MUSK: variants seen among roughly 807,000 people sequenced by gnomAD.
MUSK encodes the protein muscle associated receptor tyrosine kinase.
Under a neutral mutation model 88.7 loss-of-function variants are expected in MUSK, and 55 were observed. The observed-to-expected ratio is 0.62, with a 90% CI of 0.50 to 0.78. MUSK has a LOEUF of 0.78. Among genes scored for constraint, MUSK ranks in the 30% least tolerant of loss-of-function variants. The pLI is 0.00. For synonymous variants in MUSK, 387 were observed against 391.9 expected (o/e 0.99, Z 0.15); for missense variants, 1,015 against 1,074.3 (o/e 0.94, Z 0.77).
chr9:110,802,445 T>C lies in MUSK; in HGVS notation c.*1457T>C, dbSNP rs1391306323. ...TTCAGACTAATTGGTAGTTAGGGCA[T>C]TGGAGGAATGGTGTGAATTCTTGAA... On this transcript the variant is annotated 3_prime_UTR_variant, in exon 15 of 15. Coordinates refer to ENST00000374448, the MANE Select transcript of MUSK (RefSeq NM_005592.4). Among the ~76,000 whole-genome samples the C allele has an allele frequency of 6.6e-6, 1 of 152,202 alleles. No homozygotes were observed. The highest frequency in any genetic ancestry group is 1.5e-5 in the Non-Finnish European group (1 of 68,030).
rs1053474605 is a variant in MUSK at position 110,725,787 on chromosome 9, C to G, written c.629-8464C>G. Among the ~76,000 whole-genome samples the G allele has an allele frequency of 2.0e-4, 30 of 151,814 alleles. 1 individual carries two copies. Among genetic ancestry groups the G allele is most frequent in the Admixed American group, 1.4e-3 (21 of 15,222 alleles). On this transcript the variant is annotated intron_variant, in intron 5 of 14. Coordinates refer to ENST00000374448, the MANE Select transcript of MUSK (RefSeq NM_005592.4). ...GAAGATTACAAATCAATTTGGAAGA[C>G]AAGAACAATGCATTACATATAAAGC...
chr9:110,669,456 GT>G (rs2075929277), intron 1 of MUSK, among the ~76,000 whole-genome samples: 1 of 152,068 alleles, frequency 6.6e-6, no homozygotes, highest in Admixed American at 6.6e-5. Flanking sequence ...AAATATTTTA[GT>G]TGCTAAAAAT....
chr9:110,762,136 G>C, intron 7 of MUSK, 66 bp from the exon 8 acceptor site: 1 of 1,264,556 alleles, frequency 7.9e-7, no homozygotes. Context: ...AGATGAAAAT[G>C]TACTAACGTT....
At chr9:110,699,100 T>C (rs1445684854) in intron 5 of MUSK, among the ~76,000 whole-genome samples, 2 of 152,190 alleles carry the variant, frequency 1.3e-5, no homozygotes, top group Non-Finnish European at 2.9e-5. Context: ...TAGAGAAAAT[T>C]ATCACCGAAC....
rs1381363810 is a variant in MUSK, at chr9:110,784,865, C to T, written c.1435C>T (p.Pro479Ser). 1.2e-6 allele frequency: 2 copies of T among 1,613,800 alleles called. No homozygotes were observed. The highest frequency in any genetic ancestry group is 1.1e-5 in the South Asian group (1 of 91,050). Reference protein sequence around the residue: ...SKPSVDIPNLPSSSSSSFSVS... With the variant: ...SKPSVDIPNLSSSSSSSFSVS... ...GCCAAGTGTGGACATTCCAAATCTG[C>T]CTTCCTCCTCCTCTTCTTCCTTCTC... Residue 479 changes from proline to serine, a missense_variant, in exon 12 of 15, where the codon CCT becomes TCT. Coordinates refer to ENST00000374448, the MANE Select transcript of MUSK (RefSeq NM_005592.4).
intron 5 of MUSK, among the ~76,000 whole-genome samples, chr9:110,721,225 G>A (rs1390208533): frequency 6.6e-6 from 1 of 152,038 alleles, no homozygotes; most frequent in Non-Finnish European, 1.5e-5. Flanking sequence ...ACATAGTACT[G>A]GAAGTCCTAG....
chr9:110,727,891 T>C (rs1399151693), intron 5 of MUSK, among the ~76,000 whole-genome samples: 1 of 152,078 alleles, frequency 6.6e-6, no homozygotes, highest in Non-Finnish European at 1.5e-5. Flanking sequence ...AAGGTTCAAA[T>C]TTACATGAAC....
intron 9 of MUSK, among the ~76,000 whole-genome samples, chr9:110,769,967 T>A (rs1404385766): frequency 6.6e-6 from 1 of 152,058 alleles, no homozygotes; most frequent in Non-Finnish European, 1.5e-5. Context: ...AAGACTCCAT[T>A]GTATAAAAAA....
chr9:110,697,851 A>G (rs1587920936), intron 5 of MUSK, among the ~76,000 whole-genome samples: 1 of 152,190 alleles, frequency 6.6e-6, no homozygotes, highest in East Asian at 1.9e-4. Context: ...AACTTTAAAA[A>G]GATGTGATAA....
intron 5 of MUSK, among the ~76,000 whole-genome samples, chr9:110,724,347 C>G (rs1057475268): frequency 6.6e-6 from 1 of 151,970 alleles, no homozygotes; most frequent in Non-Finnish European, 1.5e-5. Flanking sequence ...ATCTTATCAT[C>G]ATCTCTCTGA....
chr9:110,708,091 CCTATCTAT>C (rs34403055), intron 5 of MUSK, among the ~76,000 whole-genome samples: 11,051 of 148,626 alleles, frequency 0.074, 451 homozygotes, highest in Non-Finnish European at 0.095. Flanking sequence ...ATAAATAATT[CCTATCTAT>C]CTATCTATCT....
At chr9:110,687,724 C>T (rs1425240689) in intron 3 of MUSK, among the ~76,000 whole-genome samples, 1 of 152,082 alleles carries the variant, frequency 6.6e-6, no homozygotes, top group African/African-American at 2.4e-5. Context: ...TCAAGCACAA[C>T]CCTGAGGCCA....
At chr9:110,779,722 C>T (rs117348421) in intron 11 of MUSK, among the ~76,000 whole-genome samples, 3 of 152,270 alleles carry the variant, frequency 2.0e-5, no homozygotes, top group Non-Finnish European at 2.9e-5. Context: ...CTTCTATACA[C>T]ATATGGGTTT....
intron 2 of MUSK, among the ~76,000 whole-genome samples, chr9:110,683,187 T>C (rs185266082): frequency 6.6e-6 from 1 of 152,210 alleles, no homozygotes; most frequent in Admixed American, 6.5e-5. Context: ...ATGAGTTCAA[T>C]TGTTTTGATG....
intron 5 of MUSK, among the ~76,000 whole-genome samples, chr9:110,722,144 A>C (rs773073463): frequency 6.6e-6 from 1 of 152,196 alleles, no homozygotes; most frequent in Non-Finnish European, 1.5e-5. Flanking sequence ...AAATTCTAGA[A>C]GATAACATCA....
In MUSK at chr9:110,784,899, C is replaced by G. The variant is rs147724994; in HGVS notation, c.1469C>G (p.Pro490Arg). The G allele has an allele frequency of 5.6e-6, 9 of 1,613,868 alleles. No individual in the cohort carries two copies. The East Asian group carries it at 2.0e-4, about 36-fold the overall frequency. Residue 490 changes from proline to arginine, a missense_variant, in exon 12 of 15, where the codon CCT becomes CGT. Pro to Arg is a moderately radical substitution (Grantham distance 103, BLOSUM62 -2). Transcript: ENST00000374448. ...TCCTCTTCTTCCTTCTCTGTCTCAC[C>G]TACATACTCCATGACTGTAATAATC... ...SSSSSSFSVS[P>R]TYSMTVIISI...
At chr9:110,724,338 T>A (rs183350568) in intron 5 of MUSK, among the ~76,000 whole-genome samples, 1 of 152,124 alleles carries the variant, frequency 6.6e-6, no homozygotes, top group East Asian at 1.9e-4. Flanking sequence ...CCACTGTAAA[T>A]CTTATCATCA....
At chr9:110,704,524 A>G (rs972804191) in intron 5 of MUSK, among the ~76,000 whole-genome samples, 1 of 152,192 alleles carries the variant, frequency 6.6e-6, no homozygotes, top group Non-Finnish European at 1.5e-5. Context: ...AAGTACTTGT[A>G]TAGTGCTTAC....
chr9:110,686,236 A>C (rs942842057), intron 2 of MUSK, among the ~76,000 whole-genome samples: 2 of 152,000 alleles, frequency 1.3e-5, no homozygotes, highest in Non-Finnish European at 2.9e-5. Flanking sequence ...CTCTGCCTCC[A>C]TTGTCATACC....
Sources: gnomAD v4.1 joint callset for allele counts (sites outside exome capture counted in the v4.1 genomes callset) on GRCh38, gnomAD v4.1.1 for gene constraint, MANE v1.5 for transcripts, NCBI Gene and HGNC (gene_info 2026-07-23, HGNC 2026-07-21) for gene names.